Variants in DOK6 observed in about 807,000 individuals in gnomAD.
The protein encoded by DOK6 is docking protein 6, also known as downstream of tyrosine kinase 6.
A neutral mutation model predicts 44.0 loss-of-function variants in DOK6; 22 were observed. The ratio of observed to expected loss-of-function variants is 0.50; its 90% confidence interval spans 0.36 to 0.71. The LOEUF (loss-of-function observed/expected upper bound fraction) is 0.71. Among genes scored for constraint, DOK6 ranks in the 30% least tolerant of loss-of-function variants. The probability of loss-of-function intolerance (pLI) is 0.00; values close to 1 mark genes in which losing one functional copy is unlikely to be tolerated. For synonymous variants in DOK6, 166 were observed against 145.5 expected (o/e 1.14, Z -1.01); for missense variants, 340 against 416.4 (o/e 0.82, Z 1.60).
intron 1 of DOK6, among the ~76,000 whole-genome samples, chr18:69,496,517 A>G (rs1490894320): frequency 6.6e-6 from 1 of 152,210 alleles, no homozygotes; most frequent in Non-Finnish European, 1.5e-5. Context: ...GTGGACCTAT[A>G]TACACTTAAA....
At chr18:69,598,228 G>C (rs1411402842) in intron 2 of DOK6, among the ~76,000 whole-genome samples, 2 of 151,276 alleles carry the variant, frequency 1.3e-5, no homozygotes, top group Non-Finnish European at 2.9e-5. Context: ...CTTAAATATT[G>C]ATTATATTTG....
At chr18:69,587,408 C>T (rs143574497) in intron 2 of DOK6, among the ~76,000 whole-genome samples, 3 of 152,244 alleles carry the variant, frequency 2.0e-5, no homozygotes, top group African/African-American at 4.8e-5. Context: ...TCCCTCTCCT[C>T]GTCTCTTGTA....
At chr18:69,776,089 A>G (rs924779531) in intron 7 of DOK6, among the ~76,000 whole-genome samples, 3 of 152,076 alleles carry the variant, frequency 2.0e-5, no homozygotes, top group African/African-American at 7.2e-5. Flanking sequence ...AATTGAAAAC[A>G]TGACAATTAT....
At chr18:69,524,342 G>C (rs2144567175) in intron 1 of DOK6, among the ~76,000 whole-genome samples, 1 of 152,078 alleles carries the variant, frequency 6.6e-6, no homozygotes, top group Admixed American at 6.6e-5. Flanking sequence ...TGTAGTTAAA[G>C]TGTGTCTTAT....
intron 7 of DOK6, among the ~76,000 whole-genome samples, chr18:69,816,985 A>G (rs1312733581): frequency 6.6e-6 from 1 of 152,242 alleles, no homozygotes; most frequent in African/African-American, 2.4e-5. Flanking sequence ...GGACAGCAGC[A>G]TTCTCACACA....
chr18:69,555,807 A>G (rs1022320398), intron 1 of DOK6, among the ~76,000 whole-genome samples: 3 of 152,228 alleles, frequency 2.0e-5, no homozygotes, highest in African/African-American at 7.2e-5. Context: ...GCAGAGGTCT[A>G]TTTAATCAAT....
In DOK6 at chr18:69,757,901, T is replaced by G. The variant is rs902128945; in HGVS notation, c.856+28T>G. ...AAGTCACTTTAATGTAAGAAAGCAGTGCCTCCATAAGCTTCCTCCAGGTGG... is the reference window on the plus strand; with the variant it reads ...AAGTCACTTTAATGTAAGAAAGCAGGGCCTCCATAAGCTTCCTCCAGGTGG... On this transcript the variant is annotated intron_variant, in intron 7 of 7. Coordinates refer to ENST00000382713, the MANE Select transcript of DOK6 (RefSeq NM_152721.6). The G allele has an allele frequency of 5.7e-6, 9 of 1,581,340 alleles. No homozygotes were observed. In the East Asian group the frequency reaches 2.0e-4, roughly 35 times the overall value.
At chr18:69,542,654 T>C (rs1982299827) in intron 1 of DOK6, among the ~76,000 whole-genome samples, 2 of 151,560 alleles carry the variant, frequency 1.3e-5, no homozygotes, top group African/African-American at 2.4e-5. Context: ...CCATGTACTT[T>C]TTGCAGTTTC....
intron 1 of DOK6, among the ~76,000 whole-genome samples, chr18:69,533,759 T>C (rs1451251880): frequency 2.0e-5 from 3 of 152,134 alleles, no homozygotes; most frequent in Non-Finnish European, 4.4e-5. Context: ...TTCAGGAAAT[T>C]ATCCCCCTTT....
intron 7 of DOK6, among the ~76,000 whole-genome samples, chr18:69,792,507 A>G (rs1441522175): frequency 2.0e-5 from 3 of 152,066 alleles, no homozygotes; most frequent in Non-Finnish European, 4.4e-5. Context: ...ACAAATAGAA[A>G]TGCTACTGCT....
chr18:69,540,467 G>A (rs188202940), intron 1 of DOK6, among the ~76,000 whole-genome samples: 1 of 152,116 alleles, frequency 6.6e-6, no homozygotes. Context: ...ACTATTCATT[G>A]CAATCAAAAT....
At chr18:69,687,740 T>G (rs1346136991) in intron 4 of DOK6, among the ~76,000 whole-genome samples, 1 of 152,124 alleles carries the variant, frequency 6.6e-6, no homozygotes, top group Non-Finnish European at 1.5e-5. Flanking sequence ...AGAACATCAT[T>G]GGAAAGCCCT....
At chr18:69,529,637 C>T (rs940110696) in intron 1 of DOK6, among the ~76,000 whole-genome samples, 2 of 152,132 alleles carry the variant, frequency 1.3e-5, no homozygotes, top group Non-Finnish European at 2.9e-5. Context: ...TATTTTCTTC[C>T]TTTAAATCTT....
intron 7 of DOK6, among the ~76,000 whole-genome samples, chr18:69,817,079 T>A (rs1207634856): frequency 6.6e-6 from 1 of 152,180 alleles, no homozygotes; most frequent in East Asian, 1.9e-4. Context: ...GCTAGAGGTG[T>A]TATCTTTTGA....
chr18:69,421,196 A>T (rs1176699964), intron 1 of DOK6, among the ~76,000 whole-genome samples: 1 of 152,150 alleles, frequency 6.6e-6, no homozygotes, highest in Admixed American at 6.5e-5. Context: ...CATCTCATTG[A>T]TGTTGGTTTT....
chr18:69,806,248 G>A (rs1387115507), intron 7 of DOK6, among the ~76,000 whole-genome samples: 1 of 151,830 alleles, frequency 6.6e-6, no homozygotes, highest in Non-Finnish European at 1.5e-5. Flanking sequence ...TTTTACTTAT[G>A]TTTTCTTAGA....
At chr18:69,538,199 G>A (rs949231542) in intron 1 of DOK6, among the ~76,000 whole-genome samples, 2 of 152,140 alleles carry the variant, frequency 1.3e-5, no homozygotes, top group East Asian at 3.9e-4. Context: ...TACATGAAAG[G>A]TAAATATGAA....
At chr18:69,523,685 T>C (rs997490660) in intron 1 of DOK6, among the ~76,000 whole-genome samples, 1 of 152,056 alleles carries the variant, frequency 6.6e-6, no homozygotes, top group African/African-American at 2.4e-5. Flanking sequence ...GAAGTTTTTT[T>C]CTTGTCTCTT....
At chr18:69,754,689 G>A (rs1314267982) in intron 6 of DOK6, among the ~76,000 whole-genome samples, 2 of 152,154 alleles carry the variant, frequency 1.3e-5, no homozygotes, top group African/African-American at 4.8e-5. Flanking sequence ...CTTCCTTGCT[G>A]TGTCCTTAAT....
Sources: gnomAD v4.1 joint callset for allele counts (sites outside exome capture counted in the v4.1 genomes callset) on GRCh38, gnomAD v4.1.1 for gene constraint, MANE v1.5 for transcripts, NCBI Gene and HGNC (gene_info 2026-07-23, HGNC 2026-07-21) for gene names.